Variants in PHIP observed in about 807,000 individuals in gnomAD.
The protein encoded by PHIP is PH-interacting protein.
In PHIP, 54 loss-of-function variants were observed where a neutral mutation model predicts 236.8. The observed-to-expected ratio is 0.23, with a 90% CI of 0.18 to 0.29. The LOEUF is 0.29. Among genes scored for constraint, PHIP ranks in the 10% least tolerant of loss-of-function variants. The pLI, the probability that PHIP is intolerant of heterozygous loss-of-function variation, is 1.00. For synonymous variants in PHIP, 756 were observed against 718.9 expected (o/e 1.05, Z -0.83); for missense variants, 1,370 against 2,190.8 (o/e 0.63, Z 7.48).
intron 4 of PHIP, among the ~76,000 whole-genome samples, chr6:79,075,158 C>A (rs1187423154): frequency 6.6e-6 from 1 of 151,972 alleles, no homozygotes; most frequent in African/African-American, 2.4e-5. Context: ...TATTAAACAG[C>A]GAGATCAACT....
chr6:79,077,551 C>T, intron 3 of PHIP, 44 bp from the exon 4 acceptor site: 1 of 1,161,626 alleles, frequency 8.6e-7, no homozygotes, highest in Non-Finnish European at 1.1e-6. Context: ...CCGGCCCCTA[C>T]CCGCCCGCTC....
intron 15 of PHIP, among the ~76,000 whole-genome samples, chr6:79,010,198 G>T (rs1363092012): frequency 2.0e-5 from 3 of 151,792 alleles, no homozygotes; most frequent in African/African-American, 7.2e-5. Flanking sequence ...TACCTATTTT[G>T]AGCTTCTCTT....
chr6:78,940,496 TTATA>T lies in PHIP; in HGVS notation c.*193_*196del, dbSNP rs55984056. The stretch of plus-strand genomic sequence containing the variant: ...ACATTTAAAATATATATGTATATAT[TTATA>T]TATATATATATATATTCATTTAAAG... On this transcript the variant is annotated 3_prime_UTR_variant, in exon 40 of 40. Coordinates refer to ENST00000275034, the MANE Select transcript of PHIP (RefSeq NM_017934.7). 0.46 allele frequency: 59,580 copies of T among 130,168 alleles called. 14,101 individuals carry two copies. Among genetic ancestry groups the T allele is most frequent in the East Asian group, 0.69 (3,084 of 4,458 alleles). 8.1% of individuals were successfully genotyped at this position (130,168 alleles called of 1,614,324 possible). A position where few individuals can be genotyped will look rare whatever the true frequency, so the allele number is the denominator to read the frequency against.
intron 21 of PHIP, among the ~76,000 whole-genome samples, chr6:78,986,359 C>A (rs1174172029): frequency 6.6e-6 from 1 of 152,180 alleles, no homozygotes; most frequent in Non-Finnish European, 1.5e-5. Flanking sequence ...GTCTTCCTCA[C>A]TTAAATAAAC....
Position 78,946,784 on chromosome 6 carries a change from T to C in PHIP, c.4297A>G (p.Lys1433Glu), listed in dbSNP as rs1562115045. The change falls in exon 37 of 40, where the codon AAA becomes GAA. Residue 1433 changes from lysine to glutamate, a missense_variant. By Grantham distance (56) the Lys-to-Glu change is moderately conservative. Transcript: ENST00000275034. The part of the protein sequence containing the change: ...SDYKSALRFH[K>E]RNTITKRRKK... ...CTCCTTTTGGTTATGGTATTTCTTT[T>C]ATGAAAACGAAGAGCAGATTTATAA... 5 of 1,593,862 alleles carry C rather than the reference T, an allele frequency of 3.1e-6. No individual in the cohort carries two copies. Among genetic ancestry groups the C allele is most frequent in the Non-Finnish European group, 4.3e-6 (5 of 1,171,928 alleles).
At chr6:78,991,099 G>A in intron 19 of PHIP, 114 bp from the exon 20 acceptor site, 2 of 651,874 alleles carry the variant, frequency 3.1e-6, no homozygotes. Flanking sequence ...TTTTAAGATG[G>A]AAGCATGTGA....
intron 29 of PHIP, among the ~76,000 whole-genome samples, chr6:78,964,326 C>T (rs187330038): frequency 2.0e-5 from 3 of 152,246 alleles, no homozygotes; most frequent in African/African-American, 7.2e-5. Flanking sequence ...CTGAGGTCTA[C>T]GAGACTGGGT....
At chr6:78,982,800 A>C in intron 23 of PHIP, 86 bp downstream of exon 23, 1 of 787,360 alleles carries the variant, frequency 1.3e-6, no homozygotes, top group Non-Finnish European at 2.0e-6. Flanking sequence ...ACACTTCAAC[A>C]ATGTTTGTGA....
Position 78,946,145 on chromosome 6 carries a change from C to T in PHIP, c.4486G>A (p.Gly1496Ser), listed in dbSNP as rs144832938. 5.0e-6 allele frequency: 8 copies of T among 1,614,004 alleles called. No individual in the cohort carries two copies. In the East Asian group the frequency reaches 1.1e-4, roughly 22 times the overall value. Reference sequence around the variant, plus strand: ...ACCACAGAACTAGATTCTGTTTTACCGTTTATCTGAGCAGCATTGTGTCTT... The same window carrying T: ...ACCACAGAACTAGATTCTGTTTTACTGTTTATCTGAGCAGCATTGTGTCTT... ...PPRHNAAQIN[G>S]KTESSSVVRT... is the part of the protein sequence containing the mutation. The change falls in exon 38 of 40, where the codon GGT becomes AGT. Residue 1496 changes from glycine (G) to serine (S), a missense_variant. Gly to Ser is a moderately conservative substitution (Grantham distance 56). Around this residue, in one of 14 missense-constraint regions of PHIP, gnomAD observed 309 missense variants for 328.3 expected, o/e 0.94. Transcript: ENST00000275034.
chr6:78,951,031 A>G (rs1774110370), intron 35 of PHIP, among the ~76,000 whole-genome samples: 1 of 152,094 alleles, frequency 6.6e-6, no homozygotes, highest in Non-Finnish European at 1.5e-5. Context: ...ACAAATTTTG[A>G]TATACTGAAT....
At chr6:78,966,162 GAAGACAAA>G (rs1457914660) in intron 27 of PHIP, 106 bp from the exon 28 acceptor site, 31 of 703,204 alleles carry the variant, frequency 4.4e-5, no homozygotes, top group Admixed American at 1.3e-4. Flanking sequence ...TATGATTTCA[GAAGACAAA>G]AAGTGAACCA....
chr6:79,054,903 C>G (rs1277617243), intron 6 of PHIP, among the ~76,000 whole-genome samples: 1 of 151,174 alleles, frequency 6.6e-6, no homozygotes, highest in African/African-American at 2.4e-5. Flanking sequence ...CTAGTCTTCT[C>G]AGAGAATCAC....
intron 6 of PHIP, among the ~76,000 whole-genome samples, chr6:79,043,238 A>G (rs1040876620): frequency 3.3e-5 from 5 of 151,752 alleles, no homozygotes; most frequent in African/African-American, 1.2e-4. Flanking sequence ...AAGTTAAATG[A>G]CCTGTCCAAA....
In PHIP at chr6:78,943,440, A is replaced by C. The variant is rs752103215; in HGVS notation, c.4828+1860T>G. On this transcript the variant is annotated intron_variant, in intron 39 of 39. Coordinates refer to ENST00000275034, the MANE Select transcript of PHIP (RefSeq NM_017934.7). ...TTCTCTAGGATTCATGAATAAAAAG[A>C]AGCAAGGCCAATATACTATTCAAAC... Among the ~76,000 whole-genome samples the C allele has an allele frequency of 3.9e-5, 6 of 152,202 alleles. No homozygotes were observed. The East Asian group carries it at 5.8e-4, about 15-fold the overall frequency.
At chr6:79,027,319 T>C (rs889175918) in intron 7 of PHIP, among the ~76,000 whole-genome samples, 9 of 152,128 alleles carry the variant, frequency 5.9e-5, no homozygotes, top group African/African-American at 2.2e-4. Flanking sequence ...TGATTAAGCT[T>C]TGGAGTAAAA....
chr6:78,952,921 T>C (rs931584321), intron 35 of PHIP, among the ~76,000 whole-genome samples: 7 of 152,158 alleles, frequency 4.6e-5, no homozygotes, highest in Admixed American at 3.3e-4. Flanking sequence ...TCTCTTTTTT[T>C]TAATGAAGTA....
Position 78,938,588 on chromosome 6 carries a change from T to C in PHIP, c.*2105A>G, listed in dbSNP as rs1024633383. ...AAACATACACTATTATTTTCAAGAA[T>C]GGTGTAACTGAAAGACTCATTTTTC... On this transcript the variant is annotated 3_prime_UTR_variant, in exon 40 of 40. Transcript: ENST00000275034. 9 of 151,694 alleles carry C rather than the reference T, an allele frequency of 5.9e-5. No individual in the cohort carries two copies. Among genetic ancestry groups the C allele is most frequent in the Non-Finnish European group, 3.0e-5 (2 of 67,620 alleles). 9.4% of individuals were successfully genotyped at this position (151,694 alleles called of 1,614,324 possible). A position where few individuals can be genotyped will look rare whatever the true frequency, so the allele number is the denominator to read the frequency against.
At chr6:79,062,201 T>C (rs1057204284) in intron 4 of PHIP, among the ~76,000 whole-genome samples, 2 of 152,182 alleles carry the variant, frequency 1.3e-5, no homozygotes, top group Admixed American at 6.5e-5. Context: ...CACACTGACA[T>C]TGAAGTCTCT....
Position 78,998,283 on chromosome 6 carries a change from A to C in PHIP, c.1988T>G (p.Val663Gly), listed in dbSNP as rs7747479. 1,530,408 of 1,611,080 alleles carry C rather than the reference A, an allele frequency of 0.95. 727,296 individuals carry two copies. The highest frequency in any genetic ancestry group is 1 in the East Asian group (44,809 of 44,828). ...EQDLRRSGEA[V>G]ISNTSRLSRG... Reference sequence around the variant, plus strand: ...ACTTAAACGGCTGGTATTACTGATAACTGCTTCACCAGAACGTCTCAGGTC... The same window carrying C: ...ACTTAAACGGCTGGTATTACTGATACCTGCTTCACCAGAACGTCTCAGGTC... Residue 663 changes from valine to glycine, a missense_variant, in exon 18 of 40, where the codon GTT becomes GGT. By Grantham distance (109) the Val-to-Gly change is moderately radical (BLOSUM62 -3). Coordinates refer to ENST00000275034, the MANE Select transcript of PHIP (RefSeq NM_017934.7).
Sources: allele counts gnomAD v4.1 joint callset (sites outside exome capture counted in the v4.1 genomes callset), GRCh38; gene constraint gnomAD v4.1.1; regional missense constraint gnomAD v4.1.1; transcripts MANE v1.5; gene names NCBI Gene and HGNC (gene_info 2026-07-23, HGNC 2026-07-21).